Variants in ZSWIM6 observed in about 807,000 individuals in gnomAD.
ZSWIM6 encodes zinc finger SWIM domain-containing protein 6.
A neutral mutation model predicts 113.2 loss-of-function variants in ZSWIM6; 9 were observed. The ratio of observed to expected loss-of-function variants is 0.08; its 90% CI spans 0.05 to 0.14. The LOEUF (loss-of-function observed/expected upper bound fraction) is 0.14. Among genes scored for constraint, ZSWIM6 ranks in the 10% least tolerant of loss-of-function variants. The pLI, the probability that ZSWIM6 is intolerant of heterozygous loss-of-function variation, is 1.00. For synonymous variants in ZSWIM6, 611 were observed against 606.5 expected (o/e 1.01, Z -0.11); for missense variants, 1,162 against 1,552.2 (o/e 0.75, Z 4.22).
intron 1 of ZSWIM6, among the ~76,000 whole-genome samples, chr5:61,393,033 ATATT>A (rs955409655): frequency 4.0e-5 from 6 of 151,324 alleles, no homozygotes; most frequent in African/African-American, 9.7e-5. Context: ...ATACCTTTTT[ATATT>A]TATTTATTTA....
At chr5:61,363,869 C>T (rs1037375725) in intron 1 of ZSWIM6, among the ~76,000 whole-genome samples, 4 of 109,088 alleles carry the variant, frequency 3.7e-5, no homozygotes, top group Non-Finnish European at 8.7e-5. Flanking sequence ...TCCTTCCTTC[C>T]TTCCCTCCTT....
At chr5:61,416,029 CCTT>C (rs1419367641) in intron 1 of ZSWIM6, among the ~76,000 whole-genome samples, 2 of 151,648 alleles carry the variant, frequency 1.3e-5, no homozygotes, top group African/African-American at 2.4e-5. Flanking sequence ...CTAAATCTAA[CCTT>C]CTTACATTTG....
intron 1 of ZSWIM6, among the ~76,000 whole-genome samples, chr5:61,412,912 G>A (rs998462296): frequency 2.6e-5 from 4 of 151,742 alleles, no homozygotes; most frequent in African/African-American, 9.7e-5. Flanking sequence ...AAAGTCAGTT[G>A]CTGGGTACAT....
chr5:61,334,403 C>G (rs1299941161), intron 1 of ZSWIM6, among the ~76,000 whole-genome samples: 1 of 152,152 alleles, frequency 6.6e-6, no homozygotes, highest in Non-Finnish European at 1.5e-5. Context: ...ATGGTGAACC[C>G]GGCACCGAAT....
chr5:61,434,865 A>T (rs891487700), intron 1 of ZSWIM6, among the ~76,000 whole-genome samples: 2 of 152,258 alleles, frequency 1.3e-5, no homozygotes, highest in Non-Finnish European at 2.9e-5. Context: ...GATGCTTTAA[A>T]TTCTTTATCA....
chr5:61,428,503 C>G (rs1221980680), intron 1 of ZSWIM6, among the ~76,000 whole-genome samples: 5 of 151,856 alleles, frequency 3.3e-5, no homozygotes, highest in Admixed American at 3.3e-4. Context: ...GCTGGGAGTA[C>G]AGGTGCACAC....
chr5:61,398,140 C>T (rs1398008600), intron 1 of ZSWIM6, among the ~76,000 whole-genome samples: 2 of 152,130 alleles, frequency 1.3e-5, no homozygotes, highest in African/African-American at 4.8e-5. Flanking sequence ...GGGTCCCCAA[C>T]CCCTGGGGCC....
At chr5:61,508,184 A>G (rs1001559950) in intron 4 of ZSWIM6, among the ~76,000 whole-genome samples, 14 of 152,192 alleles carry the variant, frequency 9.2e-5, no homozygotes, top group African/African-American at 1.4e-4. Flanking sequence ...AATGGCAGCA[A>G]TTATTGTCAG....
At chr5:61,368,049 G>A (rs1034746454) in intron 1 of ZSWIM6, among the ~76,000 whole-genome samples, 1 of 152,088 alleles carries the variant, frequency 6.6e-6, no homozygotes, top group Non-Finnish European at 1.5e-5. Context: ...ATCACTTGAT[G>A]CCAAAAGGTC....
At chr5:61,400,325 A>C (rs1745921092) in intron 1 of ZSWIM6, among the ~76,000 whole-genome samples, 1 of 152,060 alleles carries the variant, frequency 6.6e-6, no homozygotes, top group South Asian at 2.1e-4. Flanking sequence ...TCCCTCTTTG[A>C]TGTGATTTCA....
At chr5:61,428,544 T>TG (rs1746510877) in intron 1 of ZSWIM6, among the ~76,000 whole-genome samples, 1 of 151,574 alleles carries the variant, frequency 6.6e-6, no homozygotes, top group African/African-American at 2.4e-5. Flanking sequence ...AAACAATTTT[T>TG]TTTTTTTTTA....
chr5:61,371,902 A>G (rs1487735400), intron 1 of ZSWIM6, among the ~76,000 whole-genome samples: 2 of 152,188 alleles, frequency 1.3e-5, no homozygotes, highest in Non-Finnish European at 2.9e-5. Flanking sequence ...GAATTTACAG[A>G]TTGGACATTA....
chr5:61,462,872 A>G (rs902995587), intron 1 of ZSWIM6, among the ~76,000 whole-genome samples: 2 of 152,212 alleles, frequency 1.3e-5, no homozygotes, highest in African/African-American at 2.4e-5. Context: ...AGGAAGACCG[A>G]TCTTGTTTTA....
At chr5:61,529,957 T>C in intron 7 of ZSWIM6, 95 bp from the exon 8 acceptor site, 1 of 1,106,078 alleles carries the variant, frequency 9.0e-7, no homozygotes, top group South Asian at 2.3e-5. Context: ...TTTATCAGGA[T>C]GCTGCTATTA....
intron 1 of ZSWIM6, among the ~76,000 whole-genome samples, chr5:61,404,504 G>A (rs964791156): frequency 1.3e-5 from 2 of 152,142 alleles, no homozygotes; most frequent in African/African-American, 4.8e-5. Context: ...TCTTTGGCTA[G>A]GATTTGTTGG....
intron 1 of ZSWIM6, among the ~76,000 whole-genome samples, chr5:61,338,164 GT>G (rs10559419): frequency 0.59 from 85,045 of 145,220 alleles, 25,663 homozygotes; most frequent in African/African-American, 0.77. Flanking sequence ...AGTTTTGTGT[GT>G]TTTTTTTTTT....
At chr5:61,536,565 G>C (rs1168856816) in intron 10 of ZSWIM6, among the ~76,000 whole-genome samples, 1 of 152,182 alleles carries the variant, frequency 6.6e-6, no homozygotes, top group Non-Finnish European at 1.5e-5. Context: ...TTTCATCAAA[G>C]ATTCTATGTC....
At chr5:61,365,044 G>A (rs1745121968) in intron 1 of ZSWIM6, among the ~76,000 whole-genome samples, 1 of 152,090 alleles carries the variant, frequency 6.6e-6, no homozygotes, top group African/African-American at 2.4e-5. Flanking sequence ...ATGGTTCATA[G>A]CCTTTTTGAA....
intron 1 of ZSWIM6, among the ~76,000 whole-genome samples, chr5:61,393,670 G>A (rs780349968): frequency 1.2e-4 from 18 of 151,554 alleles, no homozygotes; most frequent in South Asian, 2.1e-4. Context: ...CTCGGGGGGC[G>A]GAGGTTGCAG....
Sources: allele counts gnomAD v4.1 joint callset (sites outside exome capture counted in the v4.1 genomes callset), GRCh38; gene constraint gnomAD v4.1.1; transcripts MANE v1.5; gene names NCBI Gene and HGNC (gene_info 2026-07-23, HGNC 2026-07-21).